The following ADARB2 variants were observed in gnomAD, a reference collection of about 807,000 sequenced individuals.
ADARB2 encodes inactive double-stranded RNA-specific editase B2.
A neutral mutation model predicts 62.2 loss-of-function variants in ADARB2; 25 were observed. The observed-to-expected ratio is 0.40, with a 90% CI of 0.29 to 0.56. The LOEUF (loss-of-function observed/expected upper bound fraction) is 0.56. Ranked by LOEUF, ADARB2 falls within the 20% of genes least tolerant of loss-of-function variation. ADARB2 has a pLI of 0.43. For synonymous variants in ADARB2, 572 were observed against 500.8 expected (o/e 1.14, Z -1.90); for missense variants, 1,071 against 1,077.4 (o/e 0.99, Z 0.08).
At chr10:1,301,022 C>T (rs575310066) in intron 3 of ADARB2, among the ~76,000 whole-genome samples, 1 of 152,300 alleles carries the variant, frequency 6.6e-6, no homozygotes, top group Non-Finnish European at 1.5e-5. Flanking sequence ...TGTCATCTCC[C>T]ACTTAAAAAC....
In ADARB2 at chr10:1,453,515, AC is replaced by A. The variant is rs1831062770; in HGVS notation, c.101-74356del. Among the ~76,000 whole-genome samples, 3 of 152,122 alleles carry A rather than the reference AC, an allele frequency of 2.0e-5. No individual in the cohort carries two copies. The South Asian group carries it at 6.2e-4, about 32-fold the overall frequency. On this transcript the variant is annotated intron_variant, in intron 1 of 9. Transcript: ENST00000381312. The stretch of plus-strand genomic sequence containing the variant: ...TTTCTTAGCACTGTTTCTTGAGAAC[AC>A]TGTCCTCTCTCCACTGAATGGTCTC...
At chr10:1,464,186 G>A (rs1323705878) in intron 1 of ADARB2, among the ~76,000 whole-genome samples, 1 of 143,732 alleles carries the variant, frequency 7.0e-6, no homozygotes, top group Admixed American at 6.9e-5. Flanking sequence ...GTGCGCCGGA[G>A]AAGAGGGTGG....
chr10:1,199,118 C>T (rs999689865), intron 8 of ADARB2, among the ~76,000 whole-genome samples: 2 of 152,200 alleles, frequency 1.3e-5, no homozygotes, highest in Admixed American at 6.5e-5. Flanking sequence ...CACAGGCAGG[C>T]CCTTCAGAGA....
intron 1 of ADARB2, among the ~76,000 whole-genome samples, chr10:1,391,366 CA>C (rs1832569108): frequency 1.3e-5 from 2 of 152,184 alleles, no homozygotes; most frequent in African/African-American, 4.8e-5. Flanking sequence ...GCCTGCCCAT[CA>C]GACACCTGAT....
intron 1 of ADARB2, among the ~76,000 whole-genome samples, chr10:1,468,752 G>A (rs1005128194): frequency 1.3e-5 from 2 of 152,186 alleles, no homozygotes; most frequent in Middle Eastern, 3.2e-3. Flanking sequence ...TTTCCCTTTC[G>A]CCTGCGGAAG....
At chr10:1,673,312 T>TG (rs1834416400) in intron 1 of ADARB2, among the ~76,000 whole-genome samples, 1 of 72,224 alleles carries the variant, frequency 1.4e-5, no homozygotes. Flanking sequence ...AGATTTCATT[T>TG]TATGTGTGTG....
At chr10:1,253,698 T>C (rs1831055483) in intron 4 of ADARB2, among the ~76,000 whole-genome samples, 1 of 152,192 alleles carries the variant, frequency 6.6e-6, no homozygotes, top group African/African-American at 2.4e-5. Context: ...AGGGACACCT[T>C]CTCAGAGGAT....
Position 1,216,939 on chromosome 10 carries a change from C to T in ADARB2, c.1682+12G>A, listed in dbSNP as rs576605985. On this transcript the variant is annotated intron_variant, in intron 7 of 9. Transcript: ENST00000381312. ...GCAGCCAACATCCTCGAGAGGAAGC[C>T]GTGGGCCTCACCTGGCGATCTTGTC... 54 of 1,603,940 alleles carry T rather than the reference C, an allele frequency of 3.4e-5. 1 individual carries two copies. The South Asian group carries it at 4.5e-4, about 13-fold the overall frequency.
At chr10:1,469,207 A>C (rs1379866810) in intron 1 of ADARB2, among the ~76,000 whole-genome samples, 3 of 152,214 alleles carry the variant, frequency 2.0e-5, no homozygotes, top group African/African-American at 7.2e-5. Flanking sequence ...CTACAGCAGA[A>C]CTAACAGAGC....
intron 1 of ADARB2, among the ~76,000 whole-genome samples, chr10:1,536,666 T>C (rs1832337263): frequency 6.6e-6 from 1 of 152,222 alleles, no homozygotes; most frequent in African/African-American, 2.4e-5. Context: ...AGGCAAAATG[T>C]TCCCAAGAAA....
At chr10:1,734,692 G>A (rs188932412) in intron 1 of ADARB2, among the ~76,000 whole-genome samples, 1 of 152,162 alleles carries the variant, frequency 6.6e-6, no homozygotes, top group Non-Finnish European at 1.5e-5. Context: ...CTTACCTTGT[G>A]CTTCTGTCAG....
chr10:1,412,159 T>G (rs1156668217), intron 1 of ADARB2, among the ~76,000 whole-genome samples: 3 of 152,142 alleles, frequency 2.0e-5, no homozygotes, highest in Non-Finnish European at 4.4e-5. Context: ...TCCGCTGAGC[T>G]GAGGCTCGGG....
At chr10:1,393,025 T>C (rs1832583618) in intron 1 of ADARB2, among the ~76,000 whole-genome samples, 1 of 152,232 alleles carries the variant, frequency 6.6e-6, no homozygotes, top group African/African-American at 2.4e-5. Context: ...TCTGTGAAAG[T>C]GGCAGTGAGC....
intron 6 of ADARB2, among the ~76,000 whole-genome samples, chr10:1,230,210 T>C (rs527476083): frequency 1.6e-4 from 24 of 152,162 alleles, no homozygotes; most frequent in Non-Finnish European, 7.4e-5. Flanking sequence ...ATCATGGCCC[T>C]CAGGGCTTCC....
intron 1 of ADARB2, among the ~76,000 whole-genome samples, chr10:1,672,780 C>T (rs187938707): frequency 9.8e-6 from 1 of 102,510 alleles, no homozygotes; most frequent in East Asian, 3.8e-4. Flanking sequence ...CTTCCTCCCT[C>T]CCTCTAACAC....
chr10:1,713,829 C>A lies in ADARB2; in HGVS notation c.100+23222G>T, dbSNP rs117274929. Among the ~76,000 whole-genome samples, 9 of 152,286 alleles carry A rather than the reference C, an allele frequency of 5.9e-5. No homozygotes were observed. In the East Asian group the frequency reaches 1.7e-3, roughly 29 times the overall value. On this transcript the variant is annotated intron_variant, in intron 1 of 9. Transcript: ENST00000381312. ...GCATGTCCTCACTTCCTTGAGGACA[C>A]AGAGAGCGCCAAGTTGGAGGACTCC...
chr10:1,219,819 ATGGTAATGATGG>A (rs1453518517), intron 6 of ADARB2, among the ~76,000 whole-genome samples: 2 of 145,488 alleles, frequency 1.4e-5, no homozygotes, highest in Non-Finnish European at 3.0e-5. Context: ...GATGATGGTG[ATGGTAATGATGG>A]TGGTGATGAT....
At chr10:1,213,570 A>G (rs1290141873) in intron 7 of ADARB2, among the ~76,000 whole-genome samples, 2 of 152,288 alleles carry the variant, frequency 1.3e-5, no homozygotes, top group Non-Finnish European at 2.9e-5. Context: ...ATGGAGAGAG[A>G]GGACGCAACT....
In ADARB2 at chr10:1,256,441, C is replaced by T. The variant is rs559532264; in HGVS notation, c.1193-14142G>A. 2.6e-3 allele frequency among the ~76,000 whole-genome samples: 397 copies of T among 152,304 alleles called. 3 individuals are homozygous for T. The highest frequency in any genetic ancestry group is 9.0e-3 in the African/African-American group (376 of 41,564). ...TGAAACCACAGGGGCCTGAATGGCG[C>T]CTGCCACCACTGTCTGGCATGTGGG... On this transcript the variant is annotated intron_variant, in intron 4 of 9. Transcript: ENST00000381312.
Sources: allele counts gnomAD v4.1 joint callset (sites outside exome capture counted in the v4.1 genomes callset), GRCh38; gene constraint gnomAD v4.1.1; transcripts MANE v1.5; gene names NCBI Gene and HGNC (gene_info 2026-07-23, HGNC 2026-07-21).